Variants in TMEM138 observed in about 807,000 individuals in gnomAD.
TMEM138 encodes the protein transmembrane protein 138.
A neutral mutation model predicts 18.1 loss-of-function variants in TMEM138; 9 were observed. The ratio of observed to expected loss-of-function variants is 0.50; its 90% CI spans 0.30 to 0.87. The LOEUF (loss-of-function observed/expected upper bound fraction) is 0.87. Among genes scored for constraint, TMEM138 ranks in the 40% least tolerant of loss-of-function variants. The pLI is 0.06. For missense variants in TMEM138, 189 were observed against 190.6 expected (o/e 0.99, Z 0.05); for synonymous variants, 79 against 74.8 (o/e 1.06, Z -0.29).
chr11:61,367,996 T>C lies in TMEM138; in HGVS notation c.374T>C (p.Leu125Pro), dbSNP rs779128088. ...GLQMLFVFQR[L>P]AAVLYCYFYK... is the part of the protein sequence containing the mutation. The stretch of plus-strand genomic sequence containing the variant: ...CAAATGCTGTTTGTATTCCAGAGAC[T>C]AGGTAAGGACCAGAGCAAGGTCAGG... The change falls in exon 4 of 5, where the codon CTA becomes CCA. Residue 125 changes from leucine (L) to proline (P), a missense_variant and splice_region_variant. Coordinates refer to ENST00000278826, the MANE Select transcript of TMEM138 (RefSeq NM_016464.5). The C allele has an allele frequency of 6.2e-7, 1 of 1,608,590 alleles. No individual in the cohort carries two copies. Among genetic ancestry groups the C allele is most frequent in the Non-Finnish European group, 8.5e-7 (1 of 1,174,942 alleles).
At chr11:61,365,803 A>G in intron 2 of TMEM138, 1 of 423,488 alleles carries the variant, frequency 2.4e-6, no homozygotes, top group Non-Finnish European at 4.2e-6. Flanking sequence ...AAAGAGTATT[A>G]GAGCAGGAAA....
In TMEM138 at chr11:61,364,245, C is replaced by T. The variant is rs951320978; in HGVS notation, c.-139-7C>T. Reference sequence around the variant, plus strand: ...TTCTAACCTTGCTTATCTTTTTGCTCCAACAGGTGCTTGCCTTAGAGCAAG... The same window carrying T: ...TTCTAACCTTGCTTATCTTTTTGCTTCAACAGGTGCTTGCCTTAGAGCAAG... On this transcript the variant is annotated splice_polypyrimidine_tract_variant and splice_region_variant and intron_variant, in intron 1 of 4. Coordinates refer to ENST00000278826, the MANE Select transcript of TMEM138 (RefSeq NM_016464.5). 1.1e-5 allele frequency: 10 copies of T among 928,128 alleles called. No individual in the cohort carries two copies. The Admixed American group carries it at 2.1e-4, about 20-fold the overall frequency. 57.5% of individuals were successfully genotyped at this position (928,128 alleles called of 1,614,324 possible).
In TMEM138 at chr11:61,368,374, C is replaced by T. The variant is rs541223001; in HGVS notation, c.377-223C>T. On this transcript the variant is annotated intron_variant, in intron 4 of 4. Coordinates refer to ENST00000278826, the MANE Select transcript of TMEM138 (RefSeq NM_016464.5). ...CGGAGTAGCTGGGACTACAGGCGCC[C>T]GCCACCACGCCCAGCTAATTTTTTG... 2.7e-4 allele frequency: 141 copies of T among 514,314 alleles called. 3 individuals carry two copies. The East Asian group carries it at 4.5e-3, about 16-fold the overall frequency. The allele number at this position is 514,314 out of a possible 1,614,324, so 31.9% of individuals were successfully genotyped here.
downstream of TMEM138, among the ~76,000 whole-genome samples, chr11:61,372,032 C>T (rs11230677): frequency 1.6e-3 from 248 of 152,010 alleles, 4 homozygotes; most frequent in East Asian, 0.041. Context: ...AAAAATTAGG[C>T]AGGTGTGGTG....
At chr11:61,370,844 G>A (rs1471270746), downstream of TMEM138, among the ~76,000 whole-genome samples, 3 of 152,070 alleles carry the variant, frequency 2.0e-5, no homozygotes, top group Non-Finnish European at 4.4e-5. Flanking sequence ...AGCTGGGCTC[G>A]CTCATGTGTC....
At position 61,369,318 on chromosome 11, in the gene TMEM138, A is replaced by G. The variant is rs1258566898; in HGVS notation, c.*609A>G. On this transcript the variant is annotated 3_prime_UTR_variant, in exon 5 of 5. Coordinates refer to ENST00000278826, the MANE Select transcript of TMEM138 (RefSeq NM_016464.5). ...GGGAAGATGGAGCCACAGATGAAAT[A>G]CAGATCTTTGTTGAGATCCATTATG... 6.5e-6 allele frequency: 1 copy of G among 153,102 alleles called. No individual in the cohort carries two copies. Among genetic ancestry groups the G allele is most frequent in the Admixed American group, 6.5e-5 (1 of 15,438 alleles). 9.5% of individuals were successfully genotyped at this position (153,102 alleles called of 1,614,324 possible). A position where few individuals can be genotyped will look rare whatever the true frequency, so the allele number is the denominator to read the frequency against.
chr11:61,371,016 C>T (rs1326164492), downstream of TMEM138, among the ~76,000 whole-genome samples: 3 of 152,062 alleles, frequency 2.0e-5, no homozygotes, highest in African/African-American at 7.2e-5. Flanking sequence ...AACACCGCCC[C>T]CCTCTCCCAA....
Position 61,364,365 on chromosome 11 carries a change from TG to T in TMEM138, c.-21del. ...TTCTGGGAACTGTGGGATGTGCCCT[TG>T]GGGGCCCGAGAAAACAGAAGGAAGA... On this transcript the variant is annotated 5_prime_UTR_variant, in exon 2 of 5. Transcript: ENST00000278826. The T allele has an allele frequency of 6.2e-7, 1 of 1,612,940 alleles. No homozygotes were observed. Among genetic ancestry groups the T allele is most frequent in the South Asian group, 1.1e-5 (1 of 90,976 alleles).
At chr11:61,370,360 C>A (rs1565081381), downstream of TMEM138, among the ~76,000 whole-genome samples, 1 of 152,190 alleles carries the variant, frequency 6.6e-6, no homozygotes, top group East Asian at 1.9e-4. Context: ...TCCTGGAATT[C>A]TTTAAGTAAA....
At chr11:61,371,668 G>A (rs999902640), downstream of TMEM138, among the ~76,000 whole-genome samples, 1 of 152,200 alleles carries the variant, frequency 6.6e-6, no homozygotes, top group African/African-American at 2.4e-5. Flanking sequence ...AATAATCCAT[G>A]ACAAAGCCCC....
chr11:61,366,609 AG>A (rs1037867602), intron 3 of TMEM138: 2 of 162,094 alleles, frequency 1.2e-5, no homozygotes, highest in African/African-American at 4.8e-5. Flanking sequence ...CTGGGATTAC[AG>A]GCACGCACCA....
downstream of TMEM138, among the ~76,000 whole-genome samples, chr11:61,370,351 C>A (rs1394476251): frequency 6.6e-6 from 1 of 152,198 alleles, no homozygotes; most frequent in Non-Finnish European, 1.5e-5. Flanking sequence ...AAGGCCAGTT[C>A]CTGGAATTCT....
chr11:61,366,324 C>T, intron 3 of TMEM138, 108 bp downstream of exon 3: 2 of 1,253,904 alleles, frequency 1.6e-6, no homozygotes, highest in South Asian at 3.2e-5. Context: ...AGCAATTCTC[C>T]TGCTTCTGCC....
At chr11:61,368,211 T>TTTTGTTTGTTTG (rs113018914) in intron 4 of TMEM138, 7 of 670,814 alleles carry the variant, frequency 1.0e-5, no homozygotes, top group Non-Finnish European at 1.9e-5. Flanking sequence ...GTTCTGTTCT[T>TTTTGTTTGTTTG]TTTGTTTGTT....
At chr11:61,371,003 C>T (rs117049427), downstream of TMEM138, among the ~76,000 whole-genome samples, 466 of 152,220 alleles carry the variant, frequency 3.1e-3, no homozygotes, top group South Asian at 5.6e-3. Context: ...GACTGAGTCA[C>T]GCAACACCGC....
At chr11:61,366,633 A>C (rs982474909) in intron 3 of TMEM138, 7 of 156,464 alleles carry the variant, frequency 4.5e-5, no homozygotes, top group Non-Finnish European at 7.0e-5. Flanking sequence ...ACGCCCAGCT[A>C]ATTTTTGTGT....
downstream of TMEM138, among the ~76,000 whole-genome samples, chr11:61,376,406 A>T (rs574854367): frequency 2.0e-5 from 3 of 151,976 alleles, no homozygotes; most frequent in Non-Finnish European, 4.4e-5. Flanking sequence ...ACTATAGCAC[A>T]CCTGTTGTTA....
intron 4 of TMEM138, 23 bp downstream of exon 4, chr11:61,368,021 G>C (rs541237125): frequency 1.8e-5 from 28 of 1,515,880 alleles, no homozygotes; most frequent in Non-Finnish European, 2.5e-5. Context: ...GCAAGGTCAG[G>C]CCTCTCTCAG....
downstream of TMEM138, among the ~76,000 whole-genome samples, chr11:61,374,824 C>T (rs1225126008): frequency 6.6e-6 from 1 of 152,174 alleles, no homozygotes; most frequent in South Asian, 2.1e-4. Context: ...TGGCAGGTGC[C>T]TGTAATCCCA....
Sources: gnomAD v4.1 joint callset for allele counts (sites outside exome capture counted in the v4.1 genomes callset) on GRCh38, gnomAD v4.1.1 for gene constraint, MANE v1.5 for transcripts, NCBI Gene and HGNC (gene_info 2026-07-23, HGNC 2026-07-21) for gene names.